WDPCP: variants seen among roughly 807,000 people sequenced by gnomAD.
WDPCP encodes WD repeat containing planar cell polarity effector, also known as WD repeat-containing and planar cell polarity effector protein fritz homolog.
A neutral mutation model predicts 93.1 loss-of-function variants in WDPCP; 71 were observed. The ratio of observed to expected loss-of-function variants is 0.76; its 90% confidence interval spans 0.63 to 0.93. The LOEUF (loss-of-function observed/expected upper bound fraction) is 0.93, where lower values mean the gene tolerates loss of function less well. Among genes scored for constraint, WDPCP ranks in the 40% least tolerant of loss-of-function variants. The probability of loss-of-function intolerance (pLI) is 0.00; values close to 1 mark genes in which losing one functional copy is unlikely to be tolerated. For missense variants in WDPCP, 844 were observed against 887.4 expected (o/e 0.95, Z 0.62); for synonymous variants, 315 against 315.0 (o/e 1.00, Z 0.00).
At chr2:63,347,192 G>T (rs1262368147) in intron 12 of WDPCP, among the ~76,000 whole-genome samples, 1 of 152,064 alleles carries the variant, frequency 6.6e-6, no homozygotes, top group Non-Finnish European at 1.5e-5. Flanking sequence ...CTGTTAAATT[G>T]GTAGTACTAT....
intron 2 of WDPCP, among the ~76,000 whole-genome samples, chr2:63,790,220 T>C (rs1670526574): frequency 6.6e-6 from 1 of 152,192 alleles, no homozygotes; most frequent in South Asian, 2.1e-4. Context: ...GGGTAGCCAG[T>C]CCTCACTCAA....
chr2:63,471,512 G>A (rs1350490209), intron 6 of WDPCP, among the ~76,000 whole-genome samples: 4 of 152,160 alleles, frequency 2.6e-5, no homozygotes, highest in African/African-American at 7.2e-5. Context: ...AAGGAAAAAT[G>A]GATGATGGAC....
At chr2:63,330,363 G>A (rs1687887797) in intron 12 of WDPCP, among the ~76,000 whole-genome samples, 1 of 152,058 alleles carries the variant, frequency 6.6e-6, no homozygotes, top group Admixed American at 6.6e-5. Context: ...TATACCTGTT[G>A]GACATTTGTG....
intron 13 of WDPCP, among the ~76,000 whole-genome samples, chr2:63,291,617 T>C (rs1684425088): frequency 6.6e-6 from 1 of 152,128 alleles, no homozygotes; most frequent in African/African-American, 2.4e-5. Flanking sequence ...GAGACAAGCC[T>C]GGCCAACATG....
Position 63,120,784 on chromosome 2 carries a change from T to C in WDPCP, c.*1222A>G, listed in dbSNP as rs1364836663. Among the ~76,000 whole-genome samples, 2 of 152,002 alleles carry C rather than the reference T, an allele frequency of 1.3e-5. No homozygotes were observed. The highest frequency in any genetic ancestry group is 2.9e-5 in the Non-Finnish European group (2 of 67,984). ...CTCCTGACCTCGTGATTCGCCCGCC[T>C]TGGCCTCCCAAAGTGCTGGGATTAC... On this transcript the variant is annotated 3_prime_UTR_variant, in exon 18 of 18. Transcript: ENST00000272321.
rs553658424 is a variant in WDPCP at position 63,369,707 on chromosome 2, C to T, written c.1748+8679G>A. 5.1e-4 allele frequency among the ~76,000 whole-genome samples: 78 copies of T among 152,258 alleles called. 1 individual carries two copies. The highest frequency in any genetic ancestry group is 1.1e-3 in the Non-Finnish European group (73 of 68,016). Reference sequence around the variant, plus strand: ...TGTACAATGAATCCAGTCTATTTCTCTCACAACAGAAAAAAAGAGTTGTTA... The same window carrying T: ...TGTACAATGAATCCAGTCTATTTCTTTCACAACAGAAAAAAAGAGTTGTTA... On this transcript the variant is annotated intron_variant, in intron 12 of 17. Transcript: ENST00000272321.
At chr2:63,376,022 G>A (rs1260422595) in intron 12 of WDPCP, among the ~76,000 whole-genome samples, 2 of 151,880 alleles carry the variant, frequency 1.3e-5, no homozygotes, top group African/African-American at 2.4e-5. Flanking sequence ...AAAGGACAGG[G>A]AGTAATGTAA....
chr2:63,437,976 GT>G, intron 7 of WDPCP: 1 of 1,412,502 alleles, frequency 7.1e-7, no homozygotes, highest in Non-Finnish European at 9.3e-7. Flanking sequence ...ACTGATCAGT[GT>G]TCTCTACCAG....
intron 6 of WDPCP, among the ~76,000 whole-genome samples, chr2:63,450,544 G>A (rs1460305217): frequency 6.6e-6 from 1 of 152,152 alleles, no homozygotes; most frequent in Non-Finnish European, 1.5e-5. Flanking sequence ...TAACTGACCT[G>A]CCTGGTACTG....
intron 13 of WDPCP, among the ~76,000 whole-genome samples, chr2:63,291,696 G>C (rs1684430026): frequency 6.6e-6 from 1 of 151,890 alleles, no homozygotes; most frequent in African/African-American, 2.4e-5. Flanking sequence ...GTAATCCCAG[G>C]TACTTGGGAG....
At chr2:63,412,586 A>G (rs1010145305) in intron 9 of WDPCP, among the ~76,000 whole-genome samples, 4 of 152,192 alleles carry the variant, frequency 2.6e-5, no homozygotes, top group African/African-American at 7.2e-5. Context: ...GAGGAAGTCA[A>G]ACTGTCACTG....
intron 9 of WDPCP, among the ~76,000 whole-genome samples, chr2:63,421,673 G>A (rs1695873025): frequency 6.6e-6 from 1 of 152,104 alleles, no homozygotes; most frequent in African/African-American, 2.4e-5. Context: ...TTGTCACGAG[G>A]AGTACTACAG....
At chr2:63,316,695 A>G (rs1440508362) in intron 12 of WDPCP, among the ~76,000 whole-genome samples, 2 of 151,954 alleles carry the variant, frequency 1.3e-5, no homozygotes, top group Non-Finnish European at 2.9e-5. Context: ...AAAAAAAACT[A>G]AAAGCTTCCA....
At position 63,711,818 on chromosome 2, in the gene WDPCP, C is replaced by T. The variant is rs552540081; in HGVS notation, n.309-60980G>A. On this transcript the variant is annotated intron_variant and non_coding_transcript_variant, in intron 2 of 4. Transcript: ENST00000467687. The stretch of plus-strand genomic sequence containing the variant: ...TAGCTTCTAATGGATTAGGTAAACC[C>T]TATGTGTGGTAAATTGATAGTACTT... 9.2e-5 allele frequency among the ~76,000 whole-genome samples: 14 copies of T among 152,232 alleles called. 2 individuals are homozygous for T. The South Asian group carries it at 2.5e-3, about 27-fold the overall frequency.
At chr2:63,151,460 T>C (rs1416193448) in intron 17 of WDPCP, among the ~76,000 whole-genome samples, 3 of 152,172 alleles carry the variant, frequency 2.0e-5, no homozygotes, top group South Asian at 2.1e-4. Context: ...CCTGGGCTTA[T>C]GCAATCCACC....
chr2:63,127,280 C>T (rs988264600), intron 17 of WDPCP, among the ~76,000 whole-genome samples: 2 of 151,884 alleles, frequency 1.3e-5, no homozygotes, highest in African/African-American at 4.8e-5. Context: ...AGCCGCCATA[C>T]CCAGCTAATT....
At chr2:63,701,502 A>G (rs2103707756) in intron 2 of WDPCP, among the ~76,000 whole-genome samples, 1 of 152,364 alleles carries the variant, frequency 6.6e-6, no homozygotes, top group African/African-American at 2.4e-5. Flanking sequence ...CTAGTTATAT[A>G]TAGCCAAAAG....
intron 2 of WDPCP, among the ~76,000 whole-genome samples, chr2:63,700,297 A>G (rs531402625): frequency 9.1e-6 from 1 of 110,252 alleles, no homozygotes; most frequent in African/African-American, 3.1e-5. Flanking sequence ...AAAAAAAAAA[A>G]AAAAAACAAA....
At chr2:63,547,273 CA>C (rs1230328954) in intron 1 of WDPCP, among the ~76,000 whole-genome samples, 1 of 151,728 alleles carries the variant, frequency 6.6e-6, no homozygotes, top group Non-Finnish European at 1.5e-5. Flanking sequence ...AGGATGTAGA[CA>C]AAAAGGAGAG....
Sources: gnomAD v4.1 joint callset for allele counts (sites outside exome capture counted in the v4.1 genomes callset) on GRCh38, gnomAD v4.1.1 for gene constraint, MANE v1.5 for transcripts, NCBI Gene and HGNC (gene_info 2026-07-23, HGNC 2026-07-21) for gene names.